Variants in CWC27 observed in about 807,000 individuals in gnomAD.
The protein encoded by CWC27 is spliceosome-associated protein CWC27 homolog.
In CWC27, 47 loss-of-function variants were observed where a neutral mutation model predicts 63.6. The ratio of observed to expected loss-of-function variants is 0.74; its 90% CI spans 0.58 to 0.94. The LOEUF (loss-of-function observed/expected upper bound fraction) is 0.94, where lower values mean the gene tolerates loss of function less well. CWC27 is among the 40% of genes least tolerant of loss of function. The probability of loss-of-function intolerance (pLI) is 0.00; values close to 1 mark genes in which losing one functional copy is unlikely to be tolerated. For missense variants in CWC27, 495 were observed against 554.3 expected (o/e 0.89, Z 1.07); for synonymous variants, 175 against 179.8 (o/e 0.97, Z 0.22).
chr5:64,865,185 A>G (rs1012059124), intron 10 of CWC27, among the ~76,000 whole-genome samples: 15 of 151,996 alleles, frequency 9.9e-5, no homozygotes. Context: ...TTGGCTGAAT[A>G]GACTACATTA....
intron 10 of CWC27, among the ~76,000 whole-genome samples, chr5:64,854,180 C>T (rs1183554845): frequency 6.6e-6 from 1 of 152,118 alleles, no homozygotes; most frequent in Non-Finnish European, 1.5e-5. Flanking sequence ...TATGTATATA[C>T]CAAATTTTCT....
chr5:64,784,006 T>C (rs1026087987), intron 4 of CWC27, 27 bp downstream of exon 4: 2 of 1,534,888 alleles, frequency 1.3e-6, no homozygotes, highest in African/African-American at 1.4e-5. Flanking sequence ...TTTAAACCTG[T>C]GGTTCAGTTT....
chr5:64,846,823 A>C (rs1580669393), intron 10 of CWC27, among the ~76,000 whole-genome samples: 1 of 151,830 alleles, frequency 6.6e-6, no homozygotes. Flanking sequence ...GTGAGACCCT[A>C]TCTCTACTAA....
Position 64,774,704 on chromosome 5 carries a change from C to A in CWC27, c.56C>A (p.Thr19Asn). 6.4e-7 allele frequency: 1 copy of A among 1,571,308 alleles called. No individual in the cohort carries two copies. The highest frequency in any genetic ancestry group is 1.2e-5 in the South Asian group (1 of 83,638). Residue 19 changes from threonine (T) to asparagine (N), a missense_variant, in exon 2 of 14, where the codon ACT becomes AAT. Coordinates refer to ENST00000381070, the MANE Select transcript of CWC27 (RefSeq NM_005869.4). ...PPTNGKVLLK[T>N]TAGDIDIELW... ...TTCTTTCTACAGGTTTTATTGAAAA[C>A]TACAGCTGGAGATATTGACATAGAG...
intron 10 of CWC27, among the ~76,000 whole-genome samples, chr5:64,840,413 AT>A: frequency 1.1e-5 from 1 of 90,350 alleles, no homozygotes; most frequent in East Asian, 3.3e-4. Context: ...ATATATATAT[AT>A]ATATATATAT....
chr5:64,786,676 TC>T (rs1362613492), intron 6 of CWC27, 49 bp downstream of exon 6: 1 of 1,104,430 alleles, frequency 9.1e-7, no homozygotes, highest in African/African-American at 1.6e-5. Flanking sequence ...TGACACTCAT[TC>T]ATTTAGTTTA....
chr5:64,831,135 C>T (rs1041973939), intron 10 of CWC27, among the ~76,000 whole-genome samples: 1 of 152,052 alleles, frequency 6.6e-6, no homozygotes, highest in African/African-American at 2.4e-5. Context: ...AACAGGTTTA[C>T]TCCTCATCAA....
At chr5:64,990,123 CTGAA>C (rs1186404500) in intron 13 of CWC27, among the ~76,000 whole-genome samples, 1 of 152,138 alleles carries the variant, frequency 6.6e-6, no homozygotes, top group Non-Finnish European at 1.5e-5. Context: ...AGAATTTCAA[CTGAA>C]TGATCAACTG....
chr5:64,879,695 A>G (rs1282875661), intron 10 of CWC27, among the ~76,000 whole-genome samples: 1 of 151,678 alleles, frequency 6.6e-6, no homozygotes, highest in African/African-American at 2.4e-5. Context: ...CTTTTGAGAG[A>G]GCCATTTAAG....
At chr5:64,985,075 A>G (rs1749401234) in intron 13 of CWC27, among the ~76,000 whole-genome samples, 1 of 152,186 alleles carries the variant, frequency 6.6e-6, no homozygotes, top group Non-Finnish European at 1.5e-5. Context: ...TTTGTCAAAC[A>G]CAGTTGGCTA....
rs953124768 is a variant in CWC27, at chr5:64,885,727, G to GTGTGTGTGTGTGTC, written c.1042+192_1042+193insGTCTGTGTGTGTGT. Among the ~76,000 whole-genome samples, 7 of 150,140 alleles carry GTGTGTGTGTGTGTC rather than the reference G, an allele frequency of 4.7e-5. No individual in the cohort carries two copies. In the East Asian group the frequency reaches 1.4e-3, roughly 29 times the overall value. ...TGTGTGTGTGTGTGTGTGTGTGTGT[G>GTGTGTGTGTGTGTC]TGTGTGTGTGTTTTTAATACTTTCT... On this transcript the variant is annotated intron_variant, in intron 11 of 13. Coordinates refer to ENST00000381070, the MANE Select transcript of CWC27 (RefSeq NM_005869.4).
At chr5:64,980,132 C>CT (rs750759683) in intron 13 of CWC27, among the ~76,000 whole-genome samples, 3 of 152,166 alleles carry the variant, frequency 2.0e-5, no homozygotes, top group Non-Finnish European at 4.4e-5. Context: ...AAATTTTTCA[C>CT]TCAGAATTAC....
intron 11 of CWC27, among the ~76,000 whole-genome samples, chr5:64,954,391 C>T (rs1201293265): frequency 1.3e-5 from 2 of 151,996 alleles, no homozygotes; most frequent in African/African-American, 2.4e-5. Flanking sequence ...TGGGCTCAGG[C>T]GATCCTCCCG....
At chr5:64,997,135 C>T (rs1192198582) in intron 13 of CWC27, among the ~76,000 whole-genome samples, 1 of 152,016 alleles carries the variant, frequency 6.6e-6, no homozygotes, top group African/African-American at 2.4e-5. Context: ...TTAACTTGAA[C>T]AAGAAGTTCC....
At chr5:64,845,897 A>G (rs1745965603) in intron 10 of CWC27, among the ~76,000 whole-genome samples, 1 of 152,232 alleles carries the variant, frequency 6.6e-6, no homozygotes, top group Admixed American at 6.5e-5. Flanking sequence ...AATTTCAATC[A>G]AATTCAACAC....
intron 11 of CWC27, among the ~76,000 whole-genome samples, chr5:64,904,597 A>G (rs1747583631): frequency 6.6e-6 from 1 of 152,246 alleles, no homozygotes; most frequent in Non-Finnish European, 1.5e-5. Flanking sequence ...TGAGAAAGCT[A>G]CAATGCCTGC....
chr5:64,789,076 T>G, intron 7 of CWC27, 56 bp downstream of exon 7: 1 of 1,203,574 alleles, frequency 8.3e-7, no homozygotes, highest in Non-Finnish European at 1.2e-6. Context: ...GGTCTATATC[T>G]TACTCACTAT....
chr5:64,973,544 C>T (rs1328597323), intron 12 of CWC27, among the ~76,000 whole-genome samples: 6 of 152,230 alleles, frequency 3.9e-5, no homozygotes, highest in Non-Finnish European at 5.9e-5. Context: ...AATTCCCCTG[C>T]AGATGCCAAT....
intron 13 of CWC27, among the ~76,000 whole-genome samples, chr5:64,981,747 T>C (rs1303027574): frequency 6.6e-6 from 1 of 152,252 alleles, no homozygotes; most frequent in Non-Finnish European, 1.5e-5. Flanking sequence ...TTAGAAGAAA[T>C]GCTTTGCCTT....
Sources: allele counts gnomAD v4.1 joint callset (sites outside exome capture counted in the v4.1 genomes callset), GRCh38; gene constraint gnomAD v4.1.1; transcripts MANE v1.5; gene names NCBI Gene and HGNC (gene_info 2026-07-23, HGNC 2026-07-21).